Variants in PPP1R14C observed in about 807,000 individuals in gnomAD.
PPP1R14C encodes the protein protein phosphatase 1 regulatory subunit 14C.
In PPP1R14C, 16 loss-of-function variants were observed where a neutral mutation model predicts 20.4. The ratio of observed to expected loss-of-function variants is 0.78; its 90% confidence interval spans 0.53 to 1.19. The LOEUF (loss-of-function observed/expected upper bound fraction) is 1.19, where lower values mean the gene tolerates loss of function less well. Among genes scored for constraint, PPP1R14C ranks in the 50% most tolerant of loss-of-function variants. The pLI, the probability that PPP1R14C is intolerant of heterozygous loss-of-function variation, is 0.00. For synonymous variants in PPP1R14C, 91 were observed against 91.0 expected (o/e 1.00, Z 0.00); for missense variants, 211 against 220.1 (o/e 0.96, Z 0.26).
chr6:150,187,490 C>T (rs1468157950), intron 1 of PPP1R14C, among the ~76,000 whole-genome samples: 1 of 152,080 alleles, frequency 6.6e-6, no homozygotes, highest in African/African-American at 2.4e-5. Flanking sequence ...GTGTTGTTCT[C>T]CTCTGTGTGT....
At chr6:150,173,484 T>C (rs1225952552) in intron 1 of PPP1R14C, among the ~76,000 whole-genome samples, 1 of 152,140 alleles carries the variant, frequency 6.6e-6, no homozygotes, top group East Asian at 1.9e-4. Flanking sequence ...TAAAAATGAC[T>C]CTTCTCAGGG....
chr6:150,228,221 A>G (rs571199904), intron 3 of PPP1R14C, among the ~76,000 whole-genome samples: 8 of 152,374 alleles, frequency 5.3e-5, no homozygotes, highest in African/African-American at 1.2e-4. Flanking sequence ...CCTGGACTTC[A>G]TTCAGCACTC....
At chr6:150,191,766 A>G (rs1777748957) in intron 1 of PPP1R14C, among the ~76,000 whole-genome samples, 1 of 152,186 alleles carries the variant, frequency 6.6e-6, no homozygotes, top group Non-Finnish European at 1.5e-5. Flanking sequence ...GTATAGGGGA[A>G]ATCTGCGTGT....
At chr6:150,152,853 C>A (rs1261893479) in intron 1 of PPP1R14C, among the ~76,000 whole-genome samples, 1 of 152,174 alleles carries the variant, frequency 6.6e-6, no homozygotes, top group Non-Finnish European at 1.5e-5. Flanking sequence ...TGTGTCTCCC[C>A]AGATTCATAG....
At chr6:150,189,235 C>A (rs906003773) in intron 1 of PPP1R14C, among the ~76,000 whole-genome samples, 5 of 152,126 alleles carry the variant, frequency 3.3e-5, no homozygotes, top group African/African-American at 1.2e-4. Flanking sequence ...CTGGACAGCA[C>A]TGAGATCAAT....
At chr6:150,176,164 G>C (rs908424642) in intron 1 of PPP1R14C, among the ~76,000 whole-genome samples, 2 of 152,206 alleles carry the variant, frequency 1.3e-5, no homozygotes, top group Non-Finnish European at 1.5e-5. Flanking sequence ...TGGGCACCCC[G>C]GGGTGAGGGA....
At chr6:150,149,900 C>T (rs1777225762) in intron 1 of PPP1R14C, among the ~76,000 whole-genome samples, 1 of 152,138 alleles carries the variant, frequency 6.6e-6, no homozygotes, top group Admixed American at 6.5e-5. Flanking sequence ...TAAACTGTTC[C>T]TCCTGTTTCT....
intron 3 of PPP1R14C, among the ~76,000 whole-genome samples, chr6:150,248,190 C>T (rs745324856): frequency 3.3e-5 from 5 of 152,180 alleles, no homozygotes; most frequent in Non-Finnish European, 2.9e-5. Flanking sequence ...CAAATGCCAT[C>T]AACATATTAA....
intron 1 of PPP1R14C, chr6:150,195,097 G>A (rs9383719): frequency 0.023 from 22,490 of 982,994 alleles, 1,083 homozygotes; most frequent in African/African-American, 0.17. Context: ...TCAAGAGGAG[G>A]TTACTCATGC....
chr6:150,204,164 T>G (rs975519629), intron 1 of PPP1R14C, among the ~76,000 whole-genome samples: 5 of 152,222 alleles, frequency 3.3e-5, no homozygotes, highest in African/African-American at 1.2e-4. Context: ...GTTCTCAGTG[T>G]CCTCGTTTAT....
intron 1 of PPP1R14C, among the ~76,000 whole-genome samples, chr6:150,202,165 T>G (rs1482551111): frequency 6.6e-6 from 1 of 152,152 alleles, no homozygotes; most frequent in African/African-American, 2.4e-5. Flanking sequence ...AGGAAGGTAG[T>G]GCAAGGAATG....
intron 1 of PPP1R14C, among the ~76,000 whole-genome samples, chr6:150,160,842 C>T (rs1777358960): frequency 1.3e-5 from 2 of 151,982 alleles, no homozygotes; most frequent in South Asian, 2.1e-4. Flanking sequence ...CCCCCATGAT[C>T]GTGTGTGTGT....
At chr6:150,208,879 G>C (rs1442692469) in intron 1 of PPP1R14C, among the ~76,000 whole-genome samples, 1 of 152,152 alleles carries the variant, frequency 6.6e-6, no homozygotes, top group Non-Finnish European at 1.5e-5. Context: ...GACTGTGCTT[G>C]CTTACAGGAA....
chr6:150,204,610 C>T (rs1777920780), intron 1 of PPP1R14C, among the ~76,000 whole-genome samples: 1 of 152,194 alleles, frequency 6.6e-6, no homozygotes. Flanking sequence ...CATGATTGTG[C>T]CCGATTTCTA....
rs547060125 is a variant in PPP1R14C at position 150,207,401 on chromosome 6, T to A, written c.307-7343T>A. On this transcript the variant is annotated intron_variant, in intron 1 of 3. Transcript: ENST00000361131. ...GCCACCTGTGCAGATGGGTGCCCGGTGGGGCTGGGCCCTCGATTCGCATCA... is the reference window on the plus strand; with the variant it reads ...GCCACCTGTGCAGATGGGTGCCCGGAGGGGCTGGGCCCTCGATTCGCATCA... 3.3e-5 allele frequency among the ~76,000 whole-genome samples: 5 copies of A among 152,334 alleles called. No individual in the cohort carries two copies. The South Asian group carries it at 1.0e-3, about 32-fold the overall frequency.
At chr6:150,146,388 T>C (rs1272728738) in intron 1 of PPP1R14C, among the ~76,000 whole-genome samples, 2 of 152,240 alleles carry the variant, frequency 1.3e-5, no homozygotes, top group African/African-American at 4.8e-5. Context: ...TTAAAACTTA[T>C]GAGTTAAACT....
chr6:150,216,663 T>C (rs1191584523), intron 2 of PPP1R14C, among the ~76,000 whole-genome samples, 161 bp from the exon 3 acceptor site: 5 of 152,232 alleles, frequency 3.3e-5, no homozygotes. Flanking sequence ...ATCTTCAGAC[T>C]ACCAACTGGT....
At chr6:150,174,266 C>A (rs534785499) in intron 1 of PPP1R14C, among the ~76,000 whole-genome samples, 1 of 152,172 alleles carries the variant, frequency 6.6e-6, no homozygotes, top group African/African-American at 2.4e-5. Flanking sequence ...GTCGCCCAGG[C>A]TGGAGTGCAG....
chr6:150,243,300 T>C (rs1778454039), intron 3 of PPP1R14C, among the ~76,000 whole-genome samples: 1 of 151,424 alleles, frequency 6.6e-6, no homozygotes, highest in Admixed American at 6.6e-5. Context: ...CTCAGCCTCC[T>C]GAGAAGCTGG....
Sources: allele counts gnomAD v4.1 joint callset (sites outside exome capture counted in the v4.1 genomes callset), GRCh38; gene constraint gnomAD v4.1.1; transcripts MANE v1.5; gene names NCBI Gene and HGNC (gene_info 2026-07-23, HGNC 2026-07-21).